WAPL: variants seen among roughly 807,000 people sequenced by gnomAD.
WAPL encodes the protein wings apart-like protein homolog.
In WAPL, 5 loss-of-function variants were observed where a neutral mutation model predicts 121.0. The observed-to-expected ratio is 0.04, with a 90% CI of 0.02 to 0.09. The LOEUF (loss-of-function observed/expected upper bound fraction) is 0.09. Among genes scored for constraint, WAPL ranks in the 10% least tolerant of loss-of-function variants. WAPL has a pLI of 1.00. For missense variants in WAPL, 999 were observed against 1,410.8 expected (o/e 0.71, Z 4.68); for synonymous variants, 480 against 481.5 (o/e 1.00, Z 0.04).
chr10:86,470,204 T>C (rs1200894126), intron 8 of WAPL, among the ~76,000 whole-genome samples: 1 of 152,126 alleles, frequency 6.6e-6, no homozygotes, highest in Non-Finnish European at 1.5e-5. Context: ...AGCTAATTTT[T>C]TGTATTTTTA....
At chr10:86,469,106 T>TAAAATA (rs1841470963) in intron 8 of WAPL, among the ~76,000 whole-genome samples, 1 of 150,958 alleles carries the variant, frequency 6.6e-6, no homozygotes, top group African/African-American at 2.4e-5. Context: ...TCTCTCAAAA[T>TAAAATA]AAATAAAATA....
chr10:86,487,303 C>A (rs577685661), intron 4 of WAPL, among the ~76,000 whole-genome samples: 2 of 152,218 alleles, frequency 1.3e-5, no homozygotes, highest in South Asian at 4.1e-4. Context: ...AAATCAGAAA[C>A]TGGATGACAT....
At chr10:86,495,409 C>A (rs1278984694) in intron 4 of WAPL, among the ~76,000 whole-genome samples, 9 of 151,928 alleles carry the variant, frequency 5.9e-5, no homozygotes, top group Non-Finnish European at 2.9e-5. Context: ...CAAGGCTGCA[C>A]TGAGCTGGGA....
At chr10:86,455,566 T>C (rs1023251668) in intron 12 of WAPL, among the ~76,000 whole-genome samples, 1 of 151,392 alleles carries the variant, frequency 6.6e-6, no homozygotes, top group African/African-American at 2.4e-5. Context: ...GTCCTCTGCC[T>C]AGGAAAACCA....
intron 10 of WAPL, 85 bp downstream of exon 10, chr10:86,461,091 C>A (rs1268799709): frequency 9.7e-7 from 1 of 1,029,266 alleles, no homozygotes; most frequent in Non-Finnish European, 1.4e-6. Context: ...CAAACTGATA[C>A]AATTATTTTT....
chr10:86,465,945 C>CT (rs1213604724), intron 9 of WAPL, among the ~76,000 whole-genome samples: 4 of 151,450 alleles, frequency 2.6e-5, no homozygotes, highest in South Asian at 2.1e-4. Context: ...TTCTTTTTTT[C>CT]TTTTTTTTCA....
At chr10:86,440,066 C>T (rs1345157360) in intron 17 of WAPL, among the ~76,000 whole-genome samples, 1 of 152,182 alleles carries the variant, frequency 6.6e-6, no homozygotes, top group African/African-American at 2.4e-5. Context: ...GAATTCACAA[C>T]ATTTCCCACA....
intron 1 of WAPL, among the ~76,000 whole-genome samples, chr10:86,519,119 T>C (rs1470027608): frequency 7.0e-6 from 1 of 143,094 alleles, no homozygotes; most frequent in East Asian, 2.2e-4. Flanking sequence ...ACCTGATTTA[T>C]CTACTTCACA....
At chr10:86,476,287 C>G (rs750027696) in intron 4 of WAPL, among the ~76,000 whole-genome samples, 11 of 152,132 alleles carry the variant, frequency 7.2e-5, no homozygotes, top group Non-Finnish European at 1.2e-4. Flanking sequence ...ATTGCTAGAA[C>G]CCGGGAGTCG....
Position 86,500,725 on chromosome 10 carries a change from T to G in WAPL, c.518A>C (p.His173Pro), listed in dbSNP as rs375087066. 2.6e-6 allele frequency: 4 copies of G among 1,564,720 alleles called. No homozygotes were observed. The highest frequency in any genetic ancestry group is 3.4e-6 in the Non-Finnish European group (4 of 1,161,840). The change falls in exon 3 of 19, where the codon CAT (histidine) becomes CCT (proline). Residue 173 changes from histidine (H) to proline (P), a missense_variant. By Grantham distance (77) the His-to-Pro change is moderately conservative (BLOSUM62 -2). Transcript: ENST00000298767. ...GTGACTATTCTTTTCATGTTCTTCA[T>G]GAAAATTCTCCACTTTATCTGTAAA... is the stretch of plus-strand genomic sequence containing the variant. Reference protein sequence around the residue: ...LITSDKVENFHEEHEKNSHHI... With the variant: ...LITSDKVENFPEEHEKNSHHI...
At chr10:86,504,756 GT>G (rs1414362445) in intron 2 of WAPL, among the ~76,000 whole-genome samples, 1 of 151,962 alleles carries the variant, frequency 6.6e-6, no homozygotes. Context: ...TGAGGCTGCT[GT>G]TATGATCACA....
chr10:86,461,370 A>C, intron 9 of WAPL, 83 bp from the exon 10 acceptor site: 1 of 1,060,336 alleles, frequency 9.4e-7, no homozygotes, highest in Non-Finnish European at 1.4e-6. Context: ...AATTTACTGC[A>C]TGCTACATGT....
rs1274812338 is a variant in WAPL at position 86,436,965 on chromosome 10, T to C, written c.*578A>G. The C allele has an allele frequency of 6.6e-6, 1 of 152,662 alleles. No individual in the cohort carries two copies. Among genetic ancestry groups the C allele is most frequent in the African/African-American group, 2.4e-5 (1 of 41,462 alleles). 9.5% of individuals were successfully genotyped at this position (152,662 alleles called of 1,614,324 possible). A position where few individuals can be genotyped will look rare whatever the true frequency, so the allele number is the denominator to read the frequency against. On this transcript the variant is annotated 3_prime_UTR_variant, in exon 19 of 19. Transcript: ENST00000298767. ...ATCCCGTGTATCTTTGGATTCCATC[T>C]AATTTTAAATATAGACAGTAGTTCA...
chr10:86,520,717 T>C (rs954682226), intron 1 of WAPL, among the ~76,000 whole-genome samples: 2 of 151,692 alleles, frequency 1.3e-5, no homozygotes, highest in African/African-American at 2.4e-5. Context: ...GTTCGGCTTT[T>C]GCCCTAGCCC....
At chr10:86,491,850 T>C (rs1259740143) in intron 4 of WAPL, among the ~76,000 whole-genome samples, 1 of 152,158 alleles carries the variant, frequency 6.6e-6, no homozygotes, top group Non-Finnish European at 1.5e-5. Flanking sequence ...ACTGCAAGCA[T>C]CCATCACTTT....
chr10:86,492,409 A>G (rs1164626254), intron 4 of WAPL, among the ~76,000 whole-genome samples: 1 of 152,202 alleles, frequency 6.6e-6, no homozygotes. Context: ...TGCACGTGGT[A>G]CTGGACTAGC....
chr10:86,439,630 T>G (rs1301168995), intron 17 of WAPL, among the ~76,000 whole-genome samples: 2 of 152,164 alleles, frequency 1.3e-5, no homozygotes, highest in Non-Finnish European at 2.9e-5. Context: ...CCAGTAGGTT[T>G]GGAAATTGGA....
intron 8 of WAPL, among the ~76,000 whole-genome samples, chr10:86,469,263 T>TC (rs1841477924): frequency 6.0e-3 from 3 of 500 alleles, no homozygotes; most frequent in Non-Finnish European, 0.024. Flanking sequence ...TTTTTTTTTT[T>TC]TTTTTTTGAG....
intron 2 of WAPL, among the ~76,000 whole-genome samples, chr10:86,513,004 CA>C (rs1241934926): frequency 6.6e-6 from 1 of 152,164 alleles, no homozygotes; most frequent in Non-Finnish European, 1.5e-5. Flanking sequence ...ACCCACCAAG[CA>C]TCTGTCTGGA....
Sources: gnomAD v4.1 joint callset for allele counts (sites outside exome capture counted in the v4.1 genomes callset) on GRCh38, gnomAD v4.1.1 for gene constraint, MANE v1.5 for transcripts, NCBI Gene and HGNC (gene_info 2026-07-23, HGNC 2026-07-21) for gene names.